Variants in NCKAP5 observed in about 807,000 individuals in gnomAD.
NCKAP5 encodes the protein NCK associated protein 5, also known as nck-associated protein 5.
Under a neutral mutation model 167.0 loss-of-function variants are expected in NCKAP5, and 92 were observed. That is an observed-to-expected ratio of 0.55 (90% CI 0.47 to 0.66). The LOEUF (loss-of-function observed/expected upper bound fraction) is 0.66. NCKAP5 is among the 30% of genes least tolerant of loss of function. The probability of loss-of-function intolerance (pLI) is 0.00; values close to 1 mark genes in which losing one functional copy is unlikely to be tolerated. For missense variants in NCKAP5, 2,378 were observed against 2,315.0 expected (o/e 1.03, Z -0.56); for synonymous variants, 891 against 877.4 (o/e 1.02, Z -0.27).
At chr2:133,494,135 CCCATATGGGACCCCT>C (rs1295064463) in intron 3 of NCKAP5, among the ~76,000 whole-genome samples, 11 of 152,258 alleles carry the variant, frequency 7.2e-5, no homozygotes, top group African/African-American at 2.4e-4. Context: ...GAGTAAGAGG[CCCATATGGGACCCCT>C]TTCCATTTCT....
chr2:133,277,469 C>T (rs928022221), intron 4 of NCKAP5, among the ~76,000 whole-genome samples: 1 of 151,900 alleles, frequency 6.6e-6, no homozygotes, highest in African/African-American at 2.4e-5. Context: ...ATGTATAAAA[C>T]CTATCTGGGG....
chr2:133,526,226 AG>A lies in NCKAP5; in HGVS notation c.-61-8640del, dbSNP rs1558755374. Among the ~76,000 whole-genome samples the A allele has an allele frequency of 5.5e-3, 605 of 110,740 alleles. 37 individuals carry two copies. Among genetic ancestry groups the A allele is most frequent in the African/African-American group, 0.024 (555 of 23,344 alleles). 72.6% of individuals were successfully genotyped at this position (110,740 alleles called of 152,430 possible). On this transcript the variant is annotated intron_variant, in intron 2 of 19. Transcript: ENST00000409261. ...AAGGAAGGAAGGAAGGAAGGAAGGAAGAAAGGAAAGGAGGGAGGGAAGGAGG... is the reference window on the plus strand; with the variant it reads ...AAGGAAGGAAGGAAGGAAGGAAGGAAAAAGGAAAGGAGGGAGGGAAGGAGG...
chr2:133,239,206 G>T (rs1231762671), intron 4 of NCKAP5, among the ~76,000 whole-genome samples: 1 of 152,086 alleles, frequency 6.6e-6, no homozygotes, highest in African/African-American at 2.4e-5. Context: ...AATTTTTAAT[G>T]AGCAGCTGCC....
At chr2:133,323,822 TATAAATAA>T (rs1682238978) in intron 3 of NCKAP5, among the ~76,000 whole-genome samples, 1 of 152,226 alleles carries the variant, frequency 6.6e-6, no homozygotes, top group African/African-American at 2.4e-5. Flanking sequence ...GGACACCTGT[TATAAATAA>T]AGCAATTCCT....
At chr2:133,578,593 C>T in the NCKAP5 span, among the ~76,000 whole-genome samples, 1 of 152,194 alleles carries the variant, frequency 6.6e-6, no homozygotes, top group South Asian at 2.1e-4. Context: ...CTCCAAGGGG[C>T]CATACTCACT....
chr2:132,760,669 T>G (rs1680927134), intron 16 of NCKAP5, among the ~76,000 whole-genome samples: 1 of 152,194 alleles, frequency 6.6e-6, no homozygotes, highest in South Asian at 2.1e-4. Context: ...ACTTCATTTG[T>G]AAGTAAAGTT....
intron 11 of NCKAP5, among the ~76,000 whole-genome samples, chr2:132,815,042 A>T (rs1686157844): frequency 6.6e-6 from 1 of 152,196 alleles, no homozygotes; most frequent in Non-Finnish European, 1.5e-5. Flanking sequence ...ATAAATATAA[A>T]TACCATAATC....
intron 5 of NCKAP5, among the ~76,000 whole-genome samples, chr2:133,200,148 A>C (rs2150117875): frequency 6.6e-6 from 1 of 150,762 alleles, no homozygotes; most frequent in South Asian, 2.1e-4. Context: ...GAATAGAAAA[A>C]AATCTTTAAA....
At chr2:133,000,381 A>C (rs2077738281) in intron 6 of NCKAP5, among the ~76,000 whole-genome samples, 1 of 152,192 alleles carries the variant, frequency 6.6e-6, no homozygotes, top group Non-Finnish European at 1.5e-5. Flanking sequence ...CCTCCTAGGA[A>C]ACCTGACACA....
Position 133,500,248 on chromosome 2 carries a change from C to T in NCKAP5, c.69+17210G>A, listed in dbSNP as rs561350728. On this transcript the variant is annotated intron_variant, in intron 3 of 19. Transcript: ENST00000409261. Reference sequence around the variant, plus strand: ...TAATATGAATTTGAAAAGATGCATGCTCCGCTCTCTAAAAAAGAAATCAGT... The same window carrying T: ...TAATATGAATTTGAAAAGATGCATGTTCCGCTCTCTAAAAAAGAAATCAGT... 3.3e-5 allele frequency among the ~76,000 whole-genome samples: 5 copies of T among 152,242 alleles called. No individual in the cohort carries two copies. The South Asian group carries it at 8.3e-4, about 25-fold the overall frequency.
intron 8 of NCKAP5, among the ~76,000 whole-genome samples, chr2:132,937,707 A>G (rs1696961484): frequency 6.6e-6 from 1 of 152,224 alleles, no homozygotes; most frequent in Non-Finnish European, 1.5e-5. Flanking sequence ...ACCATTAAGA[A>G]CTTTTGCAAA....
chr2:133,339,275 T>C (rs1683417768), intron 3 of NCKAP5, among the ~76,000 whole-genome samples: 1 of 152,176 alleles, frequency 6.6e-6, no homozygotes, highest in Non-Finnish European at 1.5e-5. Flanking sequence ...ATGAGAAGTT[T>C]ATGGAACTTT....
chr2:132,929,206 C>T (rs1247953982), intron 8 of NCKAP5, among the ~76,000 whole-genome samples: 1 of 151,852 alleles, frequency 6.6e-6, no homozygotes, highest in African/African-American at 2.4e-5. Context: ...GCAGCCTCCA[C>T]AACTATGAGA....
At chr2:133,141,600 C>T (rs769567790) in intron 5 of NCKAP5, among the ~76,000 whole-genome samples, 25 of 152,182 alleles carry the variant, frequency 1.6e-4, no homozygotes, top group Non-Finnish European at 2.8e-4. Flanking sequence ...CAAGGTACTA[C>T]TGAAGCTTTT....
At chr2:133,565,902 G>A (rs1688513300) in intron 1 of NCKAP5, among the ~76,000 whole-genome samples, 1 of 152,156 alleles carries the variant, frequency 6.6e-6, no homozygotes, top group Non-Finnish European at 1.5e-5. Flanking sequence ...GCTTAGTGCT[G>A]TAGCTATAAG....
chr2:133,168,721 C>T (rs982004882), intron 5 of NCKAP5, among the ~76,000 whole-genome samples: 3 of 152,184 alleles, frequency 2.0e-5, no homozygotes, highest in East Asian at 3.9e-4. Flanking sequence ...AGATATAATA[C>T]ATACATTTTC....
At chr2:133,595,552 A>T in the NCKAP5 span, among the ~76,000 whole-genome samples, 2 of 151,696 alleles carry the variant, frequency 1.3e-5, no homozygotes, top group Non-Finnish European at 2.9e-5. Flanking sequence ...GTTAGGCAGA[A>T]GAGACAGGCA....
chr2:132,855,868 T>A (rs1689423872), intron 11 of NCKAP5, among the ~76,000 whole-genome samples: 1 of 152,106 alleles, frequency 6.6e-6, no homozygotes, highest in African/African-American at 2.4e-5. Context: ...ATACATACAT[T>A]TAAAAGTGTA....
chr2:133,504,840 T>C (rs2151399019), intron 3 of NCKAP5, among the ~76,000 whole-genome samples: 1 of 152,280 alleles, frequency 6.6e-6, no homozygotes, highest in Non-Finnish European at 1.5e-5. Flanking sequence ...AATGTTCCCA[T>C]TTTGACCCCT....
Sources: allele counts gnomAD v4.1 joint callset (sites outside exome capture counted in the v4.1 genomes callset), GRCh38; gene constraint gnomAD v4.1.1; transcripts MANE v1.5; gene names NCBI Gene and HGNC (gene_info 2026-07-23, HGNC 2026-07-21).